The following CD300LG variants were observed in gnomAD, a reference collection of about 807,000 sequenced individuals.
CD300LG encodes the protein CMRF35-like molecule 9.
In CD300LG, 29 loss-of-function variants were observed where a neutral mutation model predicts 31.5. The ratio of observed to expected loss-of-function variants is 0.92; its 90% CI spans 0.68 to 1.25. The LOEUF (loss-of-function observed/expected upper bound fraction) is 1.25, where lower values mean the gene tolerates loss of function less well. CD300LG is among the 50% of genes most tolerant of loss of function. The probability of loss-of-function intolerance (pLI) is 0.00; values close to 1 mark genes in which losing one functional copy is unlikely to be tolerated. For synonymous variants in CD300LG, 175 were observed against 177.2 expected (o/e 0.99, Z 0.10); for missense variants, 396 against 417.6 (o/e 0.95, Z 0.45).
intron 1 of CD300LG, 116 bp from the exon 2 acceptor site, chr17:43,848,442 C>T: frequency 1.2e-6 from 1 of 852,016 alleles, no homozygotes; most frequent in Non-Finnish European, 1.9e-6. Flanking sequence ...CAAGGCTGTC[C>T]CCAGAAGGGA....
In CD300LG at chr17:43,854,153, G is replaced by C. The variant is rs144583223; in HGVS notation, c.719+109G>C. 1,736 of 805,634 alleles carry C rather than the reference G, an allele frequency of 2.2e-3. 12 individuals carry two copies. The African/African-American group carries it at 0.023, about 11-fold the overall frequency. The allele number at this position is 805,634 out of a possible 1,614,324, so 49.9% of individuals were successfully genotyped here. A position where few individuals can be genotyped will look rare whatever the true frequency, so the allele number is the denominator to read the frequency against. On this transcript the variant is annotated intron_variant, in intron 4 of 6. Transcript: ENST00000317310. ...TTCCTCTAAGCGGACGCATCCTCTT[G>C]TCATGGCCACAGCCTGCAGCACAGA...
intron 6 of CD300LG, 120 bp from the exon 7 acceptor site, chr17:43,861,678 G>T: frequency 3.4e-6 from 2 of 594,328 alleles, no homozygotes; most frequent in South Asian, 4.8e-5. Context: ...GCAGATGGAC[G>T]GAGGGCTGGA....
At chr17:43,858,351 C>T (rs970881202) in intron 6 of CD300LG, 45 of 996,178 alleles carry the variant, frequency 4.5e-5, no homozygotes, top group Admixed American at 3.9e-4. Context: ...CCTGGCTCTG[C>T]GGGCTAGGGC....
intron 2 of CD300LG, among the ~76,000 whole-genome samples, chr17:43,851,503 G>A (rs1027466320): frequency 1.3e-5 from 2 of 152,124 alleles, no homozygotes; most frequent in African/African-American, 4.8e-5. Context: ...GGAGAAAGAG[G>A]GAGAGTCCAG....
chr17:43,854,817 A>G (rs1214865565), intron 4 of CD300LG, among the ~76,000 whole-genome samples: 5 of 152,152 alleles, frequency 3.3e-5, no homozygotes, highest in African/African-American at 4.8e-5. Flanking sequence ...AACAGCTAAC[A>G]TTGACGTGGT....
At chr17:43,854,096 G>A (rs780600900) in intron 4 of CD300LG, 52 bp downstream of exon 4, 12 of 1,385,144 alleles carry the variant, frequency 8.7e-6, no homozygotes, top group East Asian at 7.0e-5. Flanking sequence ...AAACCATAAG[G>A]TGCCTTTGAG....
chr17:43,853,995 T>C lies in CD300LG; in HGVS notation c.670T>C (p.Ser224Pro). Residue 224 changes from serine to proline, a missense_variant, in exon 4 of 7, where the codon TCA becomes CCA. By Grantham distance (74) the Ser-to-Pro change is moderately conservative. Coordinates refer to ENST00000317310, the MANE Select transcript of CD300LG (RefSeq NM_145273.4). ...CCCCCCCATGCAGCTGGACTCCACCTCAGCAGAGGACACCAGTCCAGCTCT... is the reference window on the plus strand; with the variant it reads ...CCCCCCCATGCAGCTGGACTCCACCCCAGCAGAGGACACCAGTCCAGCTCT... ...SRPPMQLDST[S>P]AEDTSPALSS... 6.2e-7 allele frequency: 1 copy of C among 1,614,166 alleles called. No homozygotes were observed. Among genetic ancestry groups the C allele is most frequent in the Non-Finnish European group, 8.5e-7 (1 of 1,180,014 alleles).
At chr17:43,854,922 C>T (rs1475779132) in intron 4 of CD300LG, among the ~76,000 whole-genome samples, 7 of 152,008 alleles carry the variant, frequency 4.6e-5, no homozygotes, top group African/African-American at 1.7e-4. Flanking sequence ...AAATTGACAC[C>T]CTGGGAGGTT....
In CD300LG at chr17:43,857,223, G is replaced by A. The variant is rs8066672; in HGVS notation, c.885+67G>A. The A allele has an allele frequency of 2.9e-3, 4,627 of 1,585,632 alleles. 111 individuals are homozygous for A. The African/African-American group carries it at 0.055, about 19-fold the overall frequency. On this transcript the variant is annotated intron_variant, in intron 6 of 6. Transcript: ENST00000317310. ...TGGGGCTGGAAGTCAAGATTCCTGG[G>A]CTTTGCCTCTGTGACTTCCTACCTG... is the stretch of plus-strand genomic sequence containing the variant.
Position 43,848,543 on chromosome 17 carries a change from C to T in CD300LG, c.44-15C>T. 1 of 1,605,420 alleles carries T rather than the reference C, an allele frequency of 6.2e-7. No individual in the cohort carries two copies. Among genetic ancestry groups the T allele is most frequent in the Non-Finnish European group, 8.5e-7 (1 of 1,173,896 alleles). On this transcript the variant is annotated splice_polypyrimidine_tract_variant and intron_variant, in intron 1 of 6. Transcript: ENST00000317310. Reference sequence around the variant, plus strand: ...AGCCTGGTTTTTCCAACCTCCACTCCTGCTCTGATTTTAGGTTATGAAGCC... The same window carrying T: ...AGCCTGGTTTTTCCAACCTCCACTCTTGCTCTGATTTTAGGTTATGAAGCC...
At position 43,857,088 on chromosome 17, in the gene CD300LG, T is replaced by C; in HGVS notation, c.833-16T>C. The C allele has an allele frequency of 6.2e-7, 1 of 1,613,868 alleles. No homozygotes were observed. The highest frequency in any genetic ancestry group is 1.1e-5 in the South Asian group (1 of 91,060). On this transcript the variant is annotated splice_polypyrimidine_tract_variant and intron_variant, in intron 5 of 6. Transcript: ENST00000317310. Reference sequence around the variant, plus strand: ...CTCCTGGCTTCAAGGGGCTCCTCCTTCTACATCTCTTTCAGCTCAACAGGC... The same window carrying C: ...CTCCTGGCTTCAAGGGGCTCCTCCTCCTACATCTCTTTCAGCTCAACAGGC...
At chr17:43,853,721 G>A in intron 3 of CD300LG, 86 bp from the exon 4 acceptor site, 1 of 1,091,898 alleles carries the variant, frequency 9.2e-7, no homozygotes, top group South Asian at 1.4e-5. Context: ...AGGGAGGCTA[G>A]GGTTCAGGGG....
At chr17:43,854,147 C>G in intron 4 of CD300LG, 103 bp downstream of exon 4, 1 of 856,462 alleles carries the variant, frequency 1.2e-6, no homozygotes, top group East Asian at 2.6e-5. Context: ...GCGGACGCAT[C>G]CTCTTGTCAT....
chr17:43,851,802 G>T (rs1241095712), intron 2 of CD300LG, among the ~76,000 whole-genome samples: 1 of 152,038 alleles, frequency 6.6e-6, no homozygotes, highest in African/African-American at 2.4e-5. Flanking sequence ...TGAGCTGCCT[G>T]CCTTGGCCTC....
intron 6 of CD300LG, 76 bp downstream of exon 6, chr17:43,857,232 C>G: frequency 6.4e-7 from 1 of 1,554,602 alleles, no homozygotes; most frequent in Non-Finnish European, 8.8e-7. Flanking sequence ...GGCTTTGCCT[C>G]TGTGACTTCC....
At chr17:43,853,703 C>A in intron 3 of CD300LG, 104 bp from the exon 4 acceptor site, 1 of 888,376 alleles carries the variant, frequency 1.1e-6, no homozygotes, top group Non-Finnish European at 1.8e-6. Flanking sequence ...TTCCGAGAAA[C>A]GGGTCCCAGG....
At position 43,857,938 on chromosome 17, in the gene CD300LG, C is replaced by T. The variant is rs140257747; in HGVS notation, c.885+782C>T. On this transcript the variant is annotated intron_variant, in intron 6 of 6. Coordinates refer to ENST00000317310, the MANE Select transcript of CD300LG (RefSeq NM_145273.4). ...CCATTGTCTGGAGCTGGGAACCTGC[C>T]CCAAGGCTACTGCTGCAAGAAGAGA... 1,037 of 1,532,790 alleles carry T rather than the reference C, an allele frequency of 6.8e-4. 3 individuals carry two copies. The African/African-American group carries it at 0.013, about 19-fold the overall frequency. 94.9% of individuals were successfully genotyped at this position (1,532,790 alleles called of 1,614,324 possible). A position where few individuals can be genotyped will look rare whatever the true frequency, so the allele number is the denominator to read the frequency against.
At chr17:43,861,239 C>T (rs1037587384) in intron 6 of CD300LG, 3 of 985,304 alleles carry the variant, frequency 3.0e-6, no homozygotes, top group Non-Finnish European at 3.6e-6. Context: ...CACAGAGATC[C>T]AGTATCTAAG....
Position 43,857,224 on chromosome 17 carries a change from C to T in CD300LG, c.885+68C>T. On this transcript the variant is annotated intron_variant, in intron 6 of 6. Coordinates refer to ENST00000317310, the MANE Select transcript of CD300LG (RefSeq NM_145273.4). ...GGGGCTGGAAGTCAAGATTCCTGGG[C>T]TTTGCCTCTGTGACTTCCTACCTGG... 2.5e-6 allele frequency: 4 copies of T among 1,582,644 alleles called. No individual in the cohort carries two copies. In the South Asian group the frequency reaches 4.5e-5, roughly 18 times the overall value.
Sources: gnomAD v4.1 joint callset for allele counts (sites outside exome capture counted in the v4.1 genomes callset) on GRCh38, gnomAD v4.1.1 for gene constraint, MANE v1.5 for transcripts, NCBI Gene and HGNC (gene_info 2026-07-23, HGNC 2026-07-21) for gene names.